The following NDUFA5 variants were observed in gnomAD, a reference collection of about 807,000 sequenced individuals.
The protein encoded by NDUFA5 is NADH dehydrogenase [ubiquinone] 1 alpha subcomplex subunit 5.
Under a neutral mutation model 19.8 loss-of-function variants are expected in NDUFA5, and 11 were observed. The ratio of observed to expected loss-of-function variants is 0.56; its 90% CI spans 0.35 to 0.92. The LOEUF is 0.92. Ranked by LOEUF, NDUFA5 falls within the 40% of genes least tolerant of loss-of-function variation. The probability of loss-of-function intolerance (pLI) is 0.01; values close to 1 mark genes in which losing one functional copy is unlikely to be tolerated. For missense variants in NDUFA5, 109 were observed against 134.2 expected (o/e 0.81, Z 0.93); for synonymous variants, 47 against 46.8 (o/e 1.00, Z -0.01).
chr7:123,581,735 A>G, the NDUFA5 span, among the ~76,000 whole-genome samples: 1 of 151,884 alleles, frequency 6.6e-6, no homozygotes, highest in Non-Finnish European at 1.5e-5. Context: ...AGGCTGTAAC[A>G]TGAAAATTTT....
At chr7:123,546,793 T>C (rs1456569119) in intron 3 of NDUFA5, 6 of 817,132 alleles carry the variant, frequency 7.3e-6, no homozygotes, top group Middle Eastern at 2.6e-4. Context: ...ATTGATTAAC[T>C]ACTGATAATT....
the NDUFA5 span, among the ~76,000 whole-genome samples, chr7:123,578,036 TC>T: frequency 6.6e-6 from 1 of 151,250 alleles, no homozygotes; most frequent in Non-Finnish European, 1.5e-5. Context: ...ATGTTATCCC[TC>T]CCCTAGCCCC....
chr7:123,570,371 T>C, the NDUFA5 span, among the ~76,000 whole-genome samples: 10 of 152,164 alleles, frequency 6.6e-5, no homozygotes, highest in African/African-American at 2.4e-4. Flanking sequence ...AGGTAGCACT[T>C]ACTTTTTGAC....
At chr7:123,596,170 G>A in the NDUFA5 span, among the ~76,000 whole-genome samples, 9 of 76,390 alleles carry the variant, frequency 1.2e-4, no homozygotes, top group Non-Finnish European at 2.4e-4. Context: ...TCTTATATTG[G>A]AAAAAAAAAT....
the NDUFA5 span, among the ~76,000 whole-genome samples, chr7:123,566,847 G>A: frequency 6.6e-6 from 1 of 152,162 alleles, no homozygotes. Context: ...TTCAAACGAG[G>A]CAATGCTGGT....
upstream of NDUFA5, chr7:123,557,921 A>C: frequency 6.6e-7 from 1 of 1,524,244 alleles, no homozygotes; most frequent in Non-Finnish European, 9.0e-7. Flanking sequence ...CAGGATCGCC[A>C]AAGGAGCAAA....
chr7:123,566,097 A>C, the NDUFA5 span, among the ~76,000 whole-genome samples: 1 of 152,176 alleles, frequency 6.6e-6, no homozygotes, highest in African/African-American at 2.4e-5. Flanking sequence ...AGATGAGGTC[A>C]TTAGAGTGAG....
chr7:123,538,860 T>C lies in NDUFA5; in HGVS notation c.*3259A>G, dbSNP rs1053147539. 1.3e-5 allele frequency: 2 copies of C among 152,268 alleles called. No individual in the cohort carries two copies. The highest frequency in any genetic ancestry group is 6.5e-5 in the Admixed American group (1 of 15,284). The allele number at this position is 152,268 out of a possible 1,614,324, so 9.4% of individuals were successfully genotyped here. On this transcript the variant is annotated 3_prime_UTR_variant, in exon 5 of 5. Transcript: ENST00000355749. ...GATGGGAGGAAAAAGAAAAAGCTGC[T>C]ATTAGCCTACATGTGGGAATTTTCC...
the NDUFA5 span, among the ~76,000 whole-genome samples, chr7:123,601,604 C>T: frequency 1.4e-4 from 22 of 152,312 alleles, no homozygotes; most frequent in African/African-American, 5.1e-4. Flanking sequence ...AGTAGCAACA[C>T]TCCCTGCAGC....
Position 123,557,460 on chromosome 7 carries a change from CAA to C in NDUFA5, c.22-14_22-13del. ...ACAAGGCCAGTGGTCTGTTCAAAAA[CAA>C]AACACGATTCATGCTGTTTACTACG... is the stretch of plus-strand genomic sequence containing the variant. On this transcript the variant is annotated splice_polypyrimidine_tract_variant and intron_variant, in intron 1 of 4. Transcript: ENST00000355749. 1 of 1,612,266 alleles carries C rather than the reference CAA, an allele frequency of 6.2e-7. No homozygotes were observed. The highest frequency in any genetic ancestry group is 8.5e-7 in the Non-Finnish European group (1 of 1,179,092).
upstream of NDUFA5, among the ~76,000 whole-genome samples, chr7:123,561,272 T>G (rs562765153): frequency 6.6e-6 from 1 of 152,354 alleles, no homozygotes; most frequent in East Asian, 1.9e-4. Context: ...GCTGCTGCTT[T>G]ATCAACCAAA....
At chr7:123,562,595 C>A (rs1015109257), upstream of NDUFA5, among the ~76,000 whole-genome samples, 1 of 152,026 alleles carries the variant, frequency 6.6e-6, no homozygotes, top group African/African-American at 2.4e-5. Flanking sequence ...CCTCATGAAC[C>A]AATTTCTAAC....
At chr7:123,590,179 T>C in the NDUFA5 span, among the ~76,000 whole-genome samples, 2 of 152,172 alleles carry the variant, frequency 1.3e-5, no homozygotes, top group Non-Finnish European at 2.9e-5. Context: ...TTGTTTTTTT[T>C]CCTGTAAATT....
chr7:123,597,440 A>C, the NDUFA5 span, among the ~76,000 whole-genome samples: 2 of 152,186 alleles, frequency 1.3e-5, no homozygotes, highest in African/African-American at 4.8e-5. Flanking sequence ...TATAAATTAA[A>C]CGTTATCATA....
the NDUFA5 span, among the ~76,000 whole-genome samples, chr7:123,567,816 A>C: frequency 6.6e-6 from 1 of 152,124 alleles, no homozygotes; most frequent in Non-Finnish European, 1.5e-5. Flanking sequence ...CAACCTTGGA[A>C]AGAAAAAAAA....
the NDUFA5 span, among the ~76,000 whole-genome samples, chr7:123,577,543 A>G: frequency 1.3e-5 from 2 of 152,140 alleles, no homozygotes; most frequent in African/African-American, 4.8e-5. Flanking sequence ...TACCTTATTT[A>G]ACATTGTAAG....
rs1409592506 is a variant in NDUFA5, at chr7:123,539,215, A to C, written c.*2904T>G. ...CCTTACTCCAGTAGGGTGCCCCCCT[A>C]TATCTTGTTTGCCCAGGACAGTCAT... On this transcript the variant is annotated 3_prime_UTR_variant, in exon 5 of 5. Transcript: ENST00000355749. 1.3e-5 allele frequency: 2 copies of C among 152,174 alleles called. No homozygotes were observed. The highest frequency in any genetic ancestry group is 4.8e-5 in the African/African-American group (2 of 41,432). The allele number at this position is 152,174 out of a possible 1,614,324, so 9.4% of individuals were successfully genotyped here. A position where few individuals can be genotyped will look rare whatever the true frequency, so the allele number is the denominator to read the frequency against.
intron 2 of NDUFA5, chr7:123,555,352 A>G (rs562974782): frequency 2.1e-4 from 32 of 152,240 alleles, no homozygotes; most frequent in African/African-American, 7.5e-4. Context: ...TCTAAACAAG[A>G]ACAAGGACCT....
Position 123,543,694 on chromosome 7 carries a change from A to T in NDUFA5, c.250-1474T>A, listed in dbSNP as rs1798023289. Reference sequence around the variant, plus strand: ...TTAAAAATACTTAATATGCCTTAAAACTTAATTCCATGAAAAATTGATGTA... The same window carrying T: ...TTAAAAATACTTAATATGCCTTAAATCTTAATTCCATGAAAAATTGATGTA... On this transcript the variant is annotated intron_variant, in intron 4 of 4. Transcript: ENST00000355749. Among the ~76,000 whole-genome samples the T allele has an allele frequency of 6.6e-5, 10 of 152,180 alleles. No individual in the cohort carries two copies. The South Asian group carries it at 2.1e-3, about 31-fold the overall frequency.
Sources: gnomAD v4.1 joint callset for allele counts (sites outside exome capture counted in the v4.1 genomes callset) on GRCh38, gnomAD v4.1.1 for gene constraint, MANE v1.5 for transcripts, NCBI Gene and HGNC (gene_info 2026-07-23, HGNC 2026-07-21) for gene names.